CCND1: variants seen among roughly 807,000 people sequenced by gnomAD.
CCND1 encodes cyclin D1.
In CCND1, 9 loss-of-function variants were observed where a neutral mutation model predicts 26.1. The ratio of observed to expected loss-of-function variants is 0.35; its 90% CI spans 0.21 to 0.60. The LOEUF is 0.60. CCND1 is among the 20% of genes least tolerant of loss of function. CCND1 has a pLI of 0.79. For missense variants in CCND1, 335 were observed against 392.9 expected (o/e 0.85, Z 1.25); for synonymous variants, 194 against 166.1 (o/e 1.17, Z -1.29).
Position 69,653,168 on chromosome 11 carries a change from T to C in CCND1, c.*1886T>C. ...GTGAGGGAGGACAGGCGGGAGGAGGTGTGAGGAGGAGGCTCCCGAGGGGAA... is the reference window on the plus strand; with the variant it reads ...GTGAGGGAGGACAGGCGGGAGGAGGCGTGAGGAGGAGGCTCCCGAGGGGAA... On this transcript the variant is annotated 3_prime_UTR_variant, in exon 5 of 5. Transcript: ENST00000227507. 1.6e-6 allele frequency: 1 copy of C among 618,438 alleles called. No homozygotes were observed. The highest frequency in any genetic ancestry group is 2.9e-5 in the East Asian group (1 of 34,606). The allele number at this position is 618,438 out of a possible 1,614,324, so 38.3% of individuals were successfully genotyped here. A position where few individuals can be genotyped will look rare whatever the true frequency, so the allele number is the denominator to read the frequency against.
chr11:69,653,961 C>T lies in CCND1; in HGVS notation c.*2679C>T. 3.5e-6 allele frequency: 2 copies of T among 577,106 alleles called. No homozygotes were observed. The highest frequency in any genetic ancestry group is 6.2e-6 in the Non-Finnish European group (2 of 324,346). 35.7% of individuals were successfully genotyped at this position (577,106 alleles called of 1,614,324 possible). A position where few individuals can be genotyped will look rare whatever the true frequency, so the allele number is the denominator to read the frequency against. On this transcript the variant is annotated 3_prime_UTR_variant, in exon 5 of 5. Coordinates refer to ENST00000227507, the MANE Select transcript of CCND1 (RefSeq NM_053056.3). ...ACACCATAATGCTAATTTAAAGAGA[C>T]TCCAAATCTCAATGAAGCCAGCTCA...
In CCND1 at chr11:69,654,377, C is replaced by A. The variant is rs1051357; in HGVS notation, c.*3095C>A. ...CTGGGTCTGTGCATTTCTGGTTGCA[C>A]CGCGGCGCTTCCCAGCACCAACATG... On this transcript the variant is annotated 3_prime_UTR_variant, in exon 5 of 5. Coordinates refer to ENST00000227507, the MANE Select transcript of CCND1 (RefSeq NM_053056.3). The surrounding 1 kb of genome is among the most constrained non-coding windows in gnomAD (Gnocchi z 6.3). The A allele has an allele frequency of 8.6e-6, 6 of 701,576 alleles. No homozygotes were observed. Among genetic ancestry groups the A allele is most frequent in the Non-Finnish European group, 1.3e-5 (5 of 384,424 alleles). 43.5% of individuals were successfully genotyped at this position (701,576 alleles called of 1,614,324 possible). A position where few individuals can be genotyped will look rare whatever the true frequency, so the allele number is the denominator to read the frequency against.
intron 4 of CCND1, among the ~76,000 whole-genome samples, chr11:69,649,312 C>T (rs1855826102): frequency 6.6e-6 from 1 of 152,230 alleles, no homozygotes; most frequent in Non-Finnish European, 1.5e-5. Flanking sequence ...GGTGACTGCC[C>T]TGGGATGTTG....
Position 69,651,506 on chromosome 11 carries a change from A to C in CCND1, c.*224A>C. 1 of 362,954 alleles carries C rather than the reference A, an allele frequency of 2.8e-6. No individual in the cohort carries two copies. The highest frequency in any genetic ancestry group is 4.6e-6 in the Non-Finnish European group (1 of 215,080). The allele number at this position is 362,954 out of a possible 1,614,324, so 22.5% of individuals were successfully genotyped here. On this transcript the variant is annotated 3_prime_UTR_variant, in exon 5 of 5. Transcript: ENST00000227507. ...AACTGTCTTTAAAAGAGAGAGAGAG[A>C]AAAAAAAAATAGTATTTGCATAACC...
rs1341859043 is a variant in CCND1 at position 69,648,082 on chromosome 11, C to T, written c.663C>T (p.Asn221=). 6.2e-7 allele frequency: 1 copy of T among 1,613,998 alleles called. No individual in the cohort carries two copies. Among genetic ancestry groups the T allele is most frequent in the Admixed American group, 1.7e-5 (1 of 60,036 alleles). The change falls in exon 4 of 5, where the codon AAC becomes AAT. Residue 221 remains asparagine (N), a synonymous_variant. Transcript: ENST00000227507. ...AAGGCCTGAACCTGAGGAGCCCCAA[C>T]AACTTCCTGTCCTACTACCGCCTCA... ...AVQGLNLRSP[N]NFLSYYRLTR...
At chr11:69,642,995 C>A in intron 1 of CCND1, 36 bp from the exon 2 acceptor site, 2 of 1,473,996 alleles carry the variant, frequency 1.4e-6, no homozygotes. Flanking sequence ...GCGGCGCGAC[C>A]TGGCGGCGGC....
intron 3 of CCND1, among the ~76,000 whole-genome samples, chr11:69,647,404 G>A (rs915336440): frequency 6.6e-6 from 1 of 152,038 alleles, no homozygotes; most frequent in Non-Finnish European, 1.5e-5. Context: ...CACCACAGCC[G>A]CCCTGAAGGC....
chr11:69,644,225 G>A (rs1277684716), intron 3 of CCND1: 1 of 565,194 alleles, frequency 1.8e-6, no homozygotes, highest in Non-Finnish European at 3.2e-6. Flanking sequence ...GGGCATTGGT[G>A]TGGACGGCTC....
At chr11:69,644,660 C>T (rs992503646) in intron 3 of CCND1, among the ~76,000 whole-genome samples, 1 of 152,176 alleles carries the variant, frequency 6.6e-6, no homozygotes, top group African/African-American at 2.4e-5. Flanking sequence ...TGGCATGGCC[C>T]CAGAGGCCCC....
In CCND1 at chr11:69,654,018, T is replaced by C; in HGVS notation, c.*2736T>C. 1.7e-6 allele frequency: 1 copy of C among 599,388 alleles called. No individual in the cohort carries two copies. The highest frequency in any genetic ancestry group is 3.0e-6 in the Non-Finnish European group (1 of 336,118). The allele number at this position is 599,388 out of a possible 1,614,324, so 37.1% of individuals were successfully genotyped here. A position where few individuals can be genotyped will look rare whatever the true frequency, so the allele number is the denominator to read the frequency against. ...TGTGTGCCCCGGTCACCTAGCAAGC[T>C]GCCGAACCAAAAGAATTTGCACCCC... On this transcript the variant is annotated 3_prime_UTR_variant, in exon 5 of 5. Transcript: ENST00000227507. This position sits in a 1 kb window ranked among gnomAD's most constrained non-coding sequence, Gnocchi z 6.3.
Position 69,653,506 on chromosome 11 carries a change from T to A in CCND1, c.*2224T>A. The A allele has an allele frequency of 1.8e-6, 1 of 570,032 alleles. No individual in the cohort carries two copies. The highest frequency in any genetic ancestry group is 3.1e-6 in the Non-Finnish European group (1 of 326,786). 35.3% of individuals were successfully genotyped at this position (570,032 alleles called of 1,614,324 possible). On this transcript the variant is annotated 3_prime_UTR_variant, in exon 5 of 5. Coordinates refer to ENST00000227507, the MANE Select transcript of CCND1 (RefSeq NM_053056.3). ...GTTGCTGTTTCACAATACCTCATGCTTCACTTAGCCATGGTGGACCCAGCG... is the reference window on the plus strand; with the variant it reads ...GTTGCTGTTTCACAATACCTCATGCATCACTTAGCCATGGTGGACCCAGCG...
chr11:69,654,116 G>A lies in CCND1; in HGVS notation c.*2834G>A, dbSNP rs773752502. ...TGCTCGGAGGCCATCTCGGGCACAG[G>A]CCCACCCCGCCCCACCCCTCCAGAA... On this transcript the variant is annotated 3_prime_UTR_variant, in exon 5 of 5. Coordinates refer to ENST00000227507, the MANE Select transcript of CCND1 (RefSeq NM_053056.3). This position sits in a 1 kb window ranked among gnomAD's most constrained non-coding sequence, Gnocchi z 6.3. 1.4e-5 allele frequency: 9 copies of A among 651,650 alleles called. No homozygotes were observed. The South Asian group carries it at 1.5e-4, about 11-fold the overall frequency. The allele number at this position is 651,650 out of a possible 1,614,324, so 40.4% of individuals were successfully genotyped here. A position where few individuals can be genotyped will look rare whatever the true frequency, so the allele number is the denominator to read the frequency against.
chr11:69,648,186 G>C (rs1486888145), intron 4 of CCND1, 44 bp downstream of exon 4: 7 of 1,609,012 alleles, frequency 4.4e-6, no homozygotes, highest in South Asian at 1.1e-5. Flanking sequence ...GGGGCTTACA[G>C]GGGGAGACAC....
intron 2 of CCND1, 136 bp from the exon 3 acceptor site, chr11:69,643,696 C>T: frequency 2.6e-6 from 2 of 760,748 alleles, no homozygotes; most frequent in South Asian, 3.8e-5. Flanking sequence ...CCTCCAACAT[C>T]CAGGACCGCA....
rs781165229 is a variant in CCND1 at position 69,651,261 on chromosome 11, C to T, written c.867C>T (p.Asp289=). ...TGGACCTGGCTTGCACACCCACCGA[C>T]GTGCGGGACGTGGACATCTGAGGGC... is the stretch of plus-strand genomic sequence containing the variant. ...EEVDLACTPT[D]VRDVDI The change falls in exon 5 of 5, where the codon GAC becomes GAT. Residue 289 remains aspartate (D), a synonymous_variant. Coordinates refer to ENST00000227507, the MANE Select transcript of CCND1 (RefSeq NM_053056.3). 64 of 1,552,702 alleles carry T rather than the reference C, an allele frequency of 4.1e-5. No individual in the cohort carries two copies. Among genetic ancestry groups the T allele is most frequent in the Non-Finnish European group, 5.3e-5 (61 of 1,146,266 alleles).
rs865867656 is a variant in CCND1 at position 69,649,932 on chromosome 11, C to A, written c.724-1186C>A. Among the ~76,000 whole-genome samples the A allele has an allele frequency of 1.6e-4, 25 of 152,324 alleles. No individual in the cohort carries two copies. The South Asian group carries it at 3.7e-3, about 23-fold the overall frequency. ...CTGTACAGTGGGACTGTTTGTGCAGCCAGCCCGGCCAGCTTCATTTGCCAT... is the reference window on the plus strand; with the variant it reads ...CTGTACAGTGGGACTGTTTGTGCAGACAGCCCGGCCAGCTTCATTTGCCAT... On this transcript the variant is annotated intron_variant, in intron 4 of 4. Transcript: ENST00000227507.
chr11:69,647,984 T>C lies in CCND1; in HGVS notation c.575-10T>C. 1 of 1,613,666 alleles carries C rather than the reference T, an allele frequency of 6.2e-7. No individual in the cohort carries two copies. Among genetic ancestry groups the C allele is most frequent in the Non-Finnish European group, 8.5e-7 (1 of 1,179,954 alleles). On this transcript the variant is annotated splice_polypyrimidine_tract_variant and intron_variant, in intron 3 of 4. Coordinates refer to ENST00000227507, the MANE Select transcript of CCND1 (RefSeq NM_053056.3). ...CTCACAGCCTCCTTCCCTCTCTCCT[T>C]CTGCCTCAGATGTGAAGTTCATTTC...
At position 69,643,926 on chromosome 11, in the gene CCND1, A is replaced by T. The variant is rs548963461; in HGVS notation, c.509A>T (p.Glu170Val). The part of the protein sequence containing the change: ...FIEHFLSKMP[E>V]AEENKQIIRK... ...GAACACTTCCTCTCCAAAATGCCAG[A>T]GGCGGAGGAGAACAAACAGATCATC... The change falls in exon 3 of 5, where the codon GAG becomes GTG. Residue 170 changes from glutamate (E) to valine (V), a missense_variant. Transcript: ENST00000227507. 4.3e-6 allele frequency: 7 copies of T among 1,613,624 alleles called. No individual in the cohort carries two copies. In the South Asian group the frequency reaches 7.7e-5, roughly 18 times the overall value.
rs144537936 is a variant in CCND1 at position 69,652,123 on chromosome 11, C to T, written c.*841C>T. On this transcript the variant is annotated 3_prime_UTR_variant, in exon 5 of 5. Transcript: ENST00000227507. ...ACGATACGCTACTATAAAGAGAAGA[C>T]GAAATAGTGACATAATATATTCTAT... is the stretch of plus-strand genomic sequence containing the variant. The T allele has an allele frequency of 5.1e-5, 12 of 233,468 alleles. No homozygotes were observed. Among genetic ancestry groups the T allele is most frequent in the Middle Eastern group, 1.3e-3 (1 of 786 alleles). The allele number at this position is 233,468 out of a possible 1,614,324, so 14.5% of individuals were successfully genotyped here.
Sources: gnomAD v4.1 joint callset for allele counts (sites outside exome capture counted in the v4.1 genomes callset) on GRCh38, gnomAD v4.1.1 for gene constraint, Gnocchi (gnomAD v3.1) non-coding constraint, MANE v1.5 for transcripts, NCBI Gene and HGNC (gene_info 2026-07-23, HGNC 2026-07-21) for gene names.